Variants in FAM13B observed in about 807,000 individuals in gnomAD.
FAM13B encodes protein FAM13B.
Under a neutral mutation model 117.3 loss-of-function variants are expected in FAM13B, and 60 were observed. The observed-to-expected ratio is 0.51, with a 90% CI of 0.42 to 0.63. The LOEUF is 0.63. Ranked by LOEUF, FAM13B falls within the 30% of genes least tolerant of loss-of-function variation. The pLI is 0.00. For missense variants in FAM13B, 972 were observed against 1,091.9 expected, an observed-to-expected ratio of 0.89 and a Z score of 1.55; for synonymous variants, 332 against 356.1, an observed-to-expected ratio of 0.93 and a Z score of 0.76.
In FAM13B at chr5:137,942,941, T is replaced by C; in HGVS notation, c.2522A>G (p.Asp841Gly). The C allele has an allele frequency of 6.2e-7, 1 of 1,613,698 alleles. No homozygotes were observed. The highest frequency in any genetic ancestry group is 8.5e-7 in the Non-Finnish European group (1 of 1,179,906). ...VQSSLENSES[D>G]VEENQEKLAL... ...CAGTTTTTCTTGATTTTCTTCAACA[T>C]CAGATTCAGAGTTTTCTAATGAAGA... Residue 841 changes from aspartate to glycine, a missense_variant, in exon 22 of 24, where the codon GAT becomes GGT. Coordinates refer to ENST00000689681, the MANE Select transcript of FAM13B (RefSeq NM_001385994.1).
intron 10 of FAM13B, among the ~76,000 whole-genome samples, chr5:137,963,656 C>G (rs745806480): frequency 2.0e-5 from 3 of 152,160 alleles, no homozygotes; most frequent in Admixed American, 2.0e-4. Context: ...AACCCCTGGA[C>G]CGGTACCGAT....
intron 7 of FAM13B, among the ~76,000 whole-genome samples, chr5:138,003,937 T>C (rs947902316): frequency 6.6e-6 from 1 of 152,158 alleles, no homozygotes; most frequent in African/African-American, 2.4e-5. Context: ...TTTTCTATAC[T>C]TTAACCAGAA....
intron 7 of FAM13B, among the ~76,000 whole-genome samples, chr5:137,991,131 G>T (rs1024307673): frequency 2.6e-5 from 4 of 152,074 alleles, no homozygotes; most frequent in African/African-American, 9.7e-5. Context: ...ACAGAAAAGT[G>T]AAAATAAACT....
intron 6 of FAM13B, among the ~76,000 whole-genome samples, chr5:138,007,702 A>G (rs1581236043): frequency 1.9e-5 from 2 of 105,602 alleles, no homozygotes; most frequent in Admixed American, 9.3e-5. Flanking sequence ...TATTTTGACC[A>G]GTAAGCACAA....
At chr5:138,036,406 A>G, upstream of FAM13B, 1 of 456,694 alleles carries the variant, frequency 2.2e-6, no homozygotes, top group Non-Finnish European at 4.4e-6. Context: ...CCCAGTGCAG[A>G]TTCAACATTC....
Position 137,987,614 on chromosome 5 carries a change from A to C in FAM13B, c.893T>G (p.Ile298Ser), listed in dbSNP as rs767869307. 3.1e-6 allele frequency: 5 copies of C among 1,609,456 alleles called. No homozygotes were observed. Among genetic ancestry groups the C allele is most frequent in the Non-Finnish European group, 4.2e-6 (5 of 1,178,118 alleles). The change falls in exon 9 of 24, where the codon ATT (isoleucine) becomes AGT (serine). Residue 298 changes from isoleucine to serine, a missense_variant and splice_region_variant. Ile to Ser is a moderately radical substitution (Grantham distance 142). Coordinates refer to ENST00000689681, the MANE Select transcript of FAM13B (RefSeq NM_001385994.1). The stretch of plus-strand genomic sequence containing the variant: ...AGCTGCTCTAATTGTTCTTTCTAAA[A>C]TACTACAAAACAACACGTTTTAGTA... ...PISILPASTD[I>S]LERTIRAAVE...
At chr5:138,030,529 G>C (rs1347861907) in intron 1 of FAM13B, among the ~76,000 whole-genome samples, 3 of 151,898 alleles carry the variant, frequency 2.0e-5, no homozygotes, top group Non-Finnish European at 4.4e-5. Context: ...TTACAGGCGT[G>C]AGCCTGGCTT....
chr5:138,022,077 C>A (rs2150993509), intron 1 of FAM13B, among the ~76,000 whole-genome samples: 1 of 149,370 alleles, frequency 6.7e-6, no homozygotes, highest in East Asian at 2.0e-4. Flanking sequence ...TGCACCACTG[C>A]ACTCCAGCCC....
chr5:137,997,606 G>C (rs1780182502), intron 7 of FAM13B, among the ~76,000 whole-genome samples: 1 of 151,908 alleles, frequency 6.6e-6, no homozygotes. Context: ...CAAAACTACT[G>C]CTTTTTCATG....
intron 20 of FAM13B, among the ~76,000 whole-genome samples, chr5:137,944,531 G>T (rs1421038147): frequency 2.0e-5 from 3 of 152,136 alleles, no homozygotes; most frequent in African/African-American, 7.2e-5. Context: ...ACTTTGGAAG[G>T]CCGAGGCAGG....
upstream of FAM13B, among the ~76,000 whole-genome samples, chr5:138,037,928 T>G (rs1266840684): frequency 6.6e-6 from 1 of 152,226 alleles, no homozygotes; most frequent in East Asian, 1.9e-4. Context: ...CTGGTCAAGT[T>G]ACTTAACTTA....
intron 4 of FAM13B, among the ~76,000 whole-genome samples, chr5:138,017,775 T>C (rs1332677797): frequency 1.3e-5 from 2 of 152,224 alleles, no homozygotes; most frequent in African/African-American, 2.4e-5. Flanking sequence ...TTTTTTTGTT[T>C]CTTTAGCTTA....
chr5:137,959,803 A>G (rs768936687), intron 12 of FAM13B, 40 bp from the exon 13 acceptor site: 6 of 1,595,490 alleles, frequency 3.8e-6, no homozygotes, highest in South Asian at 1.1e-5. Context: ...CAACTACGGA[A>G]GCTTTTCACA....
chr5:138,010,757 G>T (rs957149051), intron 6 of FAM13B, among the ~76,000 whole-genome samples: 4 of 151,666 alleles, frequency 2.6e-5, no homozygotes, highest in African/African-American at 9.7e-5. Context: ...AATAGGAAAA[G>T]AAACAAAAAA....
At chr5:138,049,052 G>A (rs901630825) in intron 1 of FAM13B, among the ~76,000 whole-genome samples, 2 of 148,310 alleles carry the variant, frequency 1.3e-5, no homozygotes, top group East Asian at 2.0e-4. Context: ...AGTGATTCTC[G>A]TGCCTCAGCC....
intron 10 of FAM13B, among the ~76,000 whole-genome samples, chr5:137,970,032 T>C (rs369552742): frequency 6.6e-6 from 1 of 152,124 alleles, no homozygotes. Flanking sequence ...TTGGAAAACA[T>C]TCTGCAGGAT....
chr5:137,993,712 A>G (rs1458551898), intron 7 of FAM13B, among the ~76,000 whole-genome samples: 4 of 152,038 alleles, frequency 2.6e-5, no homozygotes, highest in African/African-American at 9.7e-5. Flanking sequence ...GCTTGAACCC[A>G]GGAGGCGGAG....
chr5:137,966,592 G>T (rs1770038278), intron 10 of FAM13B, among the ~76,000 whole-genome samples: 1 of 148,904 alleles, frequency 6.7e-6, no homozygotes, highest in African/African-American at 2.5e-5. Context: ...ACGGGCAAAA[G>T]ACCTGAATAA....
At chr5:137,991,230 G>A (rs1778531259) in intron 7 of FAM13B, among the ~76,000 whole-genome samples, 1 of 152,108 alleles carries the variant, frequency 6.6e-6, no homozygotes, top group Admixed American at 6.6e-5. Flanking sequence ...AGAAATATCA[G>A]CAAATGAATA....
Sources: allele counts gnomAD v4.1 joint callset (sites outside exome capture counted in the v4.1 genomes callset), GRCh38; gene constraint gnomAD v4.1.1; transcripts MANE v1.5; gene names NCBI Gene and HGNC (gene_info 2026-07-23, HGNC 2026-07-21).